Variants in KCNIP1 observed in about 807,000 individuals in gnomAD.
KCNIP1 encodes the protein potassium voltage-gated channel interacting protein 1, also known as A-type potassium channel modulatory protein KCNIP1.
Under a neutral mutation model 33.0 loss-of-function variants are expected in KCNIP1, and 18 were observed. The observed-to-expected ratio is 0.55, with a 90% CI of 0.38 to 0.81. The LOEUF (loss-of-function observed/expected upper bound fraction) is 0.81. Ranked by LOEUF, KCNIP1 falls within the 30% of genes least tolerant of loss-of-function variation. The probability of loss-of-function intolerance (pLI) is 0.00; values close to 1 mark genes in which losing one functional copy is unlikely to be tolerated. For missense variants in KCNIP1, 238 were observed against 271.6 expected, an observed-to-expected ratio of 0.88 and a Z score of 0.87; for synonymous variants, 93 against 98.3, an observed-to-expected ratio of 0.95 and a Z score of 0.32.
intron 1 of KCNIP1, among the ~76,000 whole-genome samples, chr5:170,511,192 G>A (rs1481373915): frequency 1.3e-5 from 2 of 152,250 alleles, no homozygotes; most frequent in Non-Finnish European, 1.5e-5. Context: ...CTGGATGACA[G>A]AGCGAGACTC....
intron 1 of KCNIP1, among the ~76,000 whole-genome samples, chr5:170,670,353 G>T (rs925110522): frequency 3.3e-5 from 5 of 152,194 alleles, no homozygotes; most frequent in African/African-American, 1.2e-4. Flanking sequence ...TCCTAAGGTA[G>T]CAAATTAAGC....
At chr5:170,699,396 G>A (rs903974466) in intron 1 of KCNIP1, among the ~76,000 whole-genome samples, 3 of 151,786 alleles carry the variant, frequency 2.0e-5, no homozygotes, top group African/African-American at 4.8e-5. Context: ...CCCACGTCTC[G>A]GATCCTCATC....
intron 1 of KCNIP1, chr5:170,385,292 G>T: frequency 6.2e-7 from 1 of 1,613,598 alleles, no homozygotes; most frequent in African/African-American, 1.3e-5. Context: ...TGGGGGGTGG[G>T]CAGGCCGGGA....
Position 170,735,846 on chromosome 5 carries a change from C to G in KCNIP1, c.*40C>G, listed in dbSNP as rs372264088. ...CCATTCAGCTCTCAGAGACATTGTA[C>G]TAAACAACCACCTTAACACCCTGAT... On this transcript the variant is annotated 3_prime_UTR_variant, in exon 8 of 8. Coordinates refer to ENST00000328939, the MANE Select transcript of KCNIP1 (RefSeq NM_014592.4). The G allele has an allele frequency of 6.4e-7, 1 of 1,565,426 alleles. No individual in the cohort carries two copies. Among genetic ancestry groups the G allele is most frequent in the African/African-American group, 1.4e-5 (1 of 74,038 alleles).
intron 1 of KCNIP1, among the ~76,000 whole-genome samples, chr5:170,674,313 G>A (rs77129567): frequency 0.021 from 3,193 of 152,238 alleles, 110 homozygotes; most frequent in African/African-American, 0.072. Context: ...TCTAGACAAA[G>A]AAGGTAAAAA....
At chr5:170,418,148 C>T (rs569403481) in intron 1 of KCNIP1, among the ~76,000 whole-genome samples, 5 of 152,258 alleles carry the variant, frequency 3.3e-5, no homozygotes, top group South Asian at 2.1e-4. Flanking sequence ...AACCCCTTCC[C>T]GGCTGGGCGC....
intron 1 of KCNIP1, among the ~76,000 whole-genome samples, chr5:170,537,019 A>G (rs1756013138): frequency 6.6e-6 from 1 of 152,128 alleles, no homozygotes; most frequent in Admixed American, 6.5e-5. Context: ...GCAAAGTGAA[A>G]CGAGGGTTCG....
intron 1 of KCNIP1, among the ~76,000 whole-genome samples, chr5:170,622,355 C>T (rs1391273773): frequency 6.6e-6 from 1 of 152,156 alleles, no homozygotes; most frequent in African/African-American, 2.4e-5. Flanking sequence ...GGGCCAGTAG[C>T]TCACGCCTGT....
At chr5:170,427,433 C>A (rs570076036) in intron 1 of KCNIP1, among the ~76,000 whole-genome samples, 6 of 152,196 alleles carry the variant, frequency 3.9e-5, no homozygotes, top group African/African-American at 1.4e-4. Flanking sequence ...CCCTATGAGG[C>A]GGGCATTCTT....
At chr5:170,649,029 C>T (rs922830623) in intron 1 of KCNIP1, among the ~76,000 whole-genome samples, 4 of 152,214 alleles carry the variant, frequency 2.6e-5, no homozygotes, top group African/African-American at 9.6e-5. Flanking sequence ...GAATATGGAG[C>T]AACAGGAACT....
intron 1 of KCNIP1, among the ~76,000 whole-genome samples, chr5:170,672,073 A>T (rs4868011): frequency 6.6e-6 from 1 of 152,102 alleles, no homozygotes; most frequent in Admixed American, 6.5e-5. Flanking sequence ...TGGAAGGAAA[A>T]GGTATTGGCC....
At chr5:170,445,010 C>T (rs1264400523) in intron 1 of KCNIP1, among the ~76,000 whole-genome samples, 1 of 152,210 alleles carries the variant, frequency 6.6e-6, no homozygotes, top group Admixed American at 6.5e-5. Context: ...TGAAAGAGCA[C>T]TCAGCTAGGC....
intron 1 of KCNIP1, among the ~76,000 whole-genome samples, chr5:170,443,006 G>A (rs929458186): frequency 1.3e-5 from 2 of 152,220 alleles, no homozygotes; most frequent in Non-Finnish European, 2.9e-5. Context: ...CTAGACAGAA[G>A]GAGGGAGTGG....
Position 170,733,936 on chromosome 5 carries a change from G to T in KCNIP1, c.603+38G>T, listed in dbSNP as rs928669450. On this transcript the variant is annotated intron_variant, in intron 7 of 7. Coordinates refer to ENST00000328939, the MANE Select transcript of KCNIP1 (RefSeq NM_014592.4). ...CTCAGGGCACAATAACTCTACATCTGGGAAAGGAAACCTGGGGCCTGGGGA... is the reference window on the plus strand; with the variant it reads ...CTCAGGGCACAATAACTCTACATCTTGGAAAGGAAACCTGGGGCCTGGGGA... 17 of 1,577,716 alleles carry T rather than the reference G, an allele frequency of 1.1e-5. No homozygotes were observed. In the African/African-American group the frequency reaches 2.2e-4, roughly 20 times the overall value.
chr5:170,570,952 G>A (rs1757384151), intron 1 of KCNIP1, among the ~76,000 whole-genome samples: 1 of 152,222 alleles, frequency 6.6e-6, no homozygotes, highest in African/African-American at 2.4e-5. Context: ...TGATTTATAA[G>A]TGAGGAAACT....
chr5:170,696,778 A>T (rs1243662508), intron 1 of KCNIP1, among the ~76,000 whole-genome samples: 1 of 152,094 alleles, frequency 6.6e-6, no homozygotes, highest in East Asian at 1.9e-4. Flanking sequence ...TCTGTGTAGG[A>T]GGGTGACTTT....
intron 1 of KCNIP1, among the ~76,000 whole-genome samples, chr5:170,621,675 AT>A (rs1380138804): frequency 6.6e-6 from 1 of 151,978 alleles, no homozygotes; most frequent in Non-Finnish European, 1.5e-5. Flanking sequence ...CGCCTAGCTA[AT>A]TTTTCAATTT....
intron 1 of KCNIP1, among the ~76,000 whole-genome samples, chr5:170,371,578 C>A (rs1036685906): frequency 4.6e-5 from 7 of 152,160 alleles, no homozygotes; most frequent in African/African-American, 1.7e-4. Context: ...CAAGTTAAAT[C>A]TTTTCCTTGT....
At chr5:170,668,637 C>G (rs895783050) in intron 1 of KCNIP1, among the ~76,000 whole-genome samples, 3 of 152,210 alleles carry the variant, frequency 2.0e-5, no homozygotes, top group African/African-American at 7.2e-5. Context: ...ACCCAGAAAC[C>G]AGACAAGAGT....
Sources: gnomAD v4.1 joint callset for allele counts (sites outside exome capture counted in the v4.1 genomes callset) on GRCh38, gnomAD v4.1.1 for gene constraint, MANE v1.5 for transcripts, NCBI Gene and HGNC (gene_info 2026-07-23, HGNC 2026-07-21) for gene names.